SIPA1: variants seen among roughly 807,000 people sequenced by gnomAD.
SIPA1 encodes signal-induced proliferation-associated protein 1.
Under a neutral mutation model 88.1 loss-of-function variants are expected in SIPA1, and 51 were observed. That is an observed-to-expected ratio of 0.58 (90% CI 0.46 to 0.73). SIPA1 has a LOEUF of 0.73. SIPA1 is among the 30% of genes least tolerant of loss of function. The pLI is 0.00. For missense variants in SIPA1, 1,348 were observed against 1,467.6 expected, an observed-to-expected ratio of 0.92 and a Z score of 1.33; for synonymous variants, 681 against 664.8, an observed-to-expected ratio of 1.02 and a Z score of -0.37.
Position 65,641,617 on chromosome 11 carries a change from C to T in SIPA1, c.679+17C>T, listed in dbSNP as rs1856006088. On this transcript the variant is annotated intron_variant, in intron 2 of 15. Coordinates refer to ENST00000534313, the MANE Select transcript of SIPA1 (RefSeq NM_006747.4). ...ATGGCAAAGGTGAGGAAAGGCAGTT[C>T]CAGGGAGTGGAGGAGGGGGGCTGAA... The T allele has an allele frequency of 6.3e-7, 1 of 1,589,906 alleles. No homozygotes were observed.
rs962783138 is a variant in SIPA1 at position 65,642,037 on chromosome 11, C to T, written c.680-213C>T. 4.7e-5 allele frequency: 30 copies of T among 638,046 alleles called. No homozygotes were observed. The African/African-American group carries it at 5.1e-4, about 11-fold the overall frequency. The allele number at this position is 638,046 out of a possible 1,614,324, so 39.5% of individuals were successfully genotyped here. A position where few individuals can be genotyped will look rare whatever the true frequency, so the allele number is the denominator to read the frequency against. On this transcript the variant is annotated intron_variant, in intron 2 of 15. Coordinates refer to ENST00000534313, the MANE Select transcript of SIPA1 (RefSeq NM_006747.4). The surrounding 1 kb of genome is among the most constrained non-coding windows in gnomAD (Gnocchi z 6.5). ...GCAGGATTTAGGCCTGGGAGCTGGC[C>T]GCGTGGGTCTAGGTCTGGGTCTGGG...
In SIPA1 at chr11:65,640,918, G is replaced by C. The variant is rs774708167; in HGVS notation, c.-4G>C. The stretch of plus-strand genomic sequence containing the variant: ...CAGCCCCCGGAGAGTCAGGCCCACA[G>C]AGCATGCCCATGTGGGCCGGCGGTG... On this transcript the variant is annotated 5_prime_UTR_variant, in exon 2 of 16. Coordinates refer to ENST00000534313, the MANE Select transcript of SIPA1 (RefSeq NM_006747.4). 2.6e-5 allele frequency: 39 copies of C among 1,504,726 alleles called. No individual in the cohort carries two copies. In the East Asian group the frequency reaches 7.6e-4, roughly 29 times the overall value. 93.2% of individuals were successfully genotyped at this position (1,504,726 alleles called of 1,614,324 possible).
chr11:65,641,667 G>A, intron 2 of SIPA1, 67 bp downstream of exon 2: 2 of 1,364,474 alleles, frequency 1.5e-6, no homozygotes, highest in Non-Finnish European at 2.0e-6. Context: ...CACCTGCAGT[G>A]CACACAGTAG....
intron 14 of SIPA1, 56 bp downstream of exon 14, chr11:65,650,248 T>C: frequency 2.5e-6 from 4 of 1,585,538 alleles, no homozygotes; most frequent in Non-Finnish European, 8.7e-7. Flanking sequence ...CCCCCCTTCG[T>C]GCCTGTCTGC....
At position 65,645,034 on chromosome 11, in the gene SIPA1, A is replaced by C. The variant is rs143032413; in HGVS notation, c.1064A>C (p.Glu355Ala). 3.1e-6 allele frequency: 5 copies of C among 1,613,876 alleles called. No individual in the cohort carries two copies. The highest frequency in any genetic ancestry group is 2.7e-5 in the African/African-American group (2 of 74,900). ...GAGGAGGAGATGTACAACAACCAGGAGGCGGGACCGGCCTTCATGCAGTTT... is the reference window on the plus strand; with the variant it reads ...GAGGAGGAGATGTACAACAACCAGGCGGCGGGACCGGCCTTCATGCAGTTT... ...GSEEEMYNNQEAGPAFMQFLT... is the reference protein window; with the variant it reads ...GSEEEMYNNQAAGPAFMQFLT... The change falls in exon 5 of 16, where the codon GAG becomes GCG. Residue 355 changes from glutamate (E) to alanine (A), a missense_variant. This residue lies in a region of SIPA1 where 641 missense variants were observed against 797.7 expected (regional missense o/e 0.80). Transcript: ENST00000534313.
chr11:65,647,173 G>C, intron 8 of SIPA1, 108 bp downstream of exon 8: 5 of 1,417,924 alleles, frequency 3.5e-6, no homozygotes, highest in Non-Finnish European at 3.7e-6. Flanking sequence ...AGGGAAAGTC[G>C]AGGAGGGCAG....
intron 4 of SIPA1, among the ~76,000 whole-genome samples, chr11:65,643,319 A>G (rs1643989404): frequency 6.6e-6 from 1 of 152,230 alleles, no homozygotes; most frequent in African/African-American, 2.4e-5. Context: ...TTTCCCCCAC[A>G]GCCCCTGCTG....
At chr11:65,649,006 C>G (rs184993380) in intron 9 of SIPA1, among the ~76,000 whole-genome samples, 1 of 152,166 alleles carries the variant, frequency 6.6e-6, no homozygotes, top group Non-Finnish European at 1.5e-5. Context: ...CTATGAGGTT[C>G]GTACTATTAT....
rs1041488293 is a variant in SIPA1, at chr11:65,650,281, C to G, written c.2903+89C>G. 7 of 1,546,538 alleles carry G rather than the reference C, an allele frequency of 4.5e-6. No homozygotes were observed. The African/African-American group carries it at 9.5e-5, about 21-fold the overall frequency. ...TGCTGGGGTGGAGCTCTGTCCTGGGCTCTGCTGCCACATATGCCTAGAAGA... is the reference window on the plus strand; with the variant it reads ...TGCTGGGGTGGAGCTCTGTCCTGGGGTCTGCTGCCACATATGCCTAGAAGA... On this transcript the variant is annotated intron_variant, in intron 14 of 15. Transcript: ENST00000534313.
intron 9 of SIPA1, among the ~76,000 whole-genome samples, chr11:65,649,040 T>A (rs1856196559): frequency 6.6e-6 from 1 of 152,174 alleles, no homozygotes; most frequent in African/African-American, 2.4e-5. Context: ...ATGGAGAAAT[T>A]GATGTTCAGA....
chr11:65,647,582 G>A lies in SIPA1; in HGVS notation c.2230G>A (p.Ala744Thr), dbSNP rs754999721. Residue 744 changes from alanine (A) to threonine (T), a missense_variant, in exon 9 of 16, where the codon GCT (alanine) becomes ACT (threonine). Transcript: ENST00000534313. The part of the protein sequence containing the change: ...QTLPSLRPEA[A>T]AQLLRSAPKV... ...TCTGCCCAGCCTCCGGCCCGAGGCCGCTGCCCAGCTCCTGCGCTCGGCGCC... is the reference window on the plus strand; with the variant it reads ...TCTGCCCAGCCTCCGGCCCGAGGCCACTGCCCAGCTCCTGCGCTCGGCGCC... 1.5e-6 allele frequency: 2 copies of A among 1,362,320 alleles called. No individual in the cohort carries two copies. The highest frequency in any genetic ancestry group is 9.4e-7 in the Non-Finnish European group (1 of 1,060,072). The allele number at this position is 1,362,320 out of a possible 1,614,324, so 84.4% of individuals were successfully genotyped here.
At position 65,646,021 on chromosome 11, in the gene SIPA1, T is replaced by C. The variant is rs1382304815; in HGVS notation, c.1263+64T>C. Reference sequence around the variant, plus strand: ...ACCATGGAGGGCCCTGCATGGCCCATGACGTTTGAGCTTTGGCCGGAGCTC... The same window carrying C: ...ACCATGGAGGGCCCTGCATGGCCCACGACGTTTGAGCTTTGGCCGGAGCTC... On this transcript the variant is annotated intron_variant, in intron 6 of 15. Coordinates refer to ENST00000534313, the MANE Select transcript of SIPA1 (RefSeq NM_006747.4). The surrounding 1 kb of genome is among the most constrained non-coding windows in gnomAD (Gnocchi z 7.5). The C allele has an allele frequency of 1.5e-6, 2 of 1,370,496 alleles. No individual in the cohort carries two copies. The highest frequency in any genetic ancestry group is 2.0e-6 in the Non-Finnish European group (2 of 978,966). The allele number at this position is 1,370,496 out of a possible 1,614,324, so 84.9% of individuals were successfully genotyped here. A position where few individuals can be genotyped will look rare whatever the true frequency, so the allele number is the denominator to read the frequency against.
At position 65,642,779 on chromosome 11, in the gene SIPA1, G is replaced by T; in HGVS notation, c.984+140G>T. On this transcript the variant is annotated intron_variant, in intron 4 of 15. Transcript: ENST00000534313. The surrounding 1 kb of genome is among the most constrained non-coding windows in gnomAD (Gnocchi z 6.5). ...AGAAGAGCTGGCTTTTCAGAGACAGGGCATCAGAGTTCATCTGGAGCCTTG... is the reference window on the plus strand; with the variant it reads ...AGAAGAGCTGGCTTTTCAGAGACAGTGCATCAGAGTTCATCTGGAGCCTTG... The T allele has an allele frequency of 2.7e-6, 2 of 753,892 alleles. No individual in the cohort carries two copies. The highest frequency in any genetic ancestry group is 2.1e-5 in the South Asian group (1 of 48,330). 46.7% of individuals were successfully genotyped at this position (753,892 alleles called of 1,614,324 possible).
Position 65,650,711 on chromosome 11 carries a change from C to T in SIPA1, c.3125C>T (p.Ala1042Val). The T allele has an allele frequency of 3.8e-6, 6 of 1,572,622 alleles. No homozygotes were observed. Among genetic ancestry groups the T allele is most frequent in the Non-Finnish European group, 5.2e-6 (6 of 1,159,158 alleles). ...CTGGGCTCACCCACCGCCGACCTGG[C>T]CTGAGCCGTCTGGAACCACCTGGGC... ...KQLGSPTADL[A>V] The change falls in exon 16 of 16, where the codon GCC (alanine) becomes GTC (valine). Residue 1042 changes from alanine to valine, a missense_variant. Physicochemically the swap from Ala to Val is moderately conservative, Grantham distance 64. This residue lies in a region of SIPA1 where 615 missense variants were observed against 559.8 expected (regional missense o/e 1.10). Coordinates refer to ENST00000534313, the MANE Select transcript of SIPA1 (RefSeq NM_006747.4).
In SIPA1 at chr11:65,642,688, G is replaced by T; in HGVS notation, c.984+49G>T. 6.9e-7 allele frequency: 1 copy of T among 1,453,512 alleles called. No homozygotes were observed. The highest frequency in any genetic ancestry group is 1.4e-5 in the South Asian group (1 of 73,870). 90.0% of individuals were successfully genotyped at this position (1,453,512 alleles called of 1,614,324 possible). A position where few individuals can be genotyped will look rare whatever the true frequency, so the allele number is the denominator to read the frequency against. ...CCAGCCATACAGCTGGCCCCAGTCTGAACCCAGCCTGCCCAGCTCCCAAAC... is the reference window on the plus strand; with the variant it reads ...CCAGCCATACAGCTGGCCCCAGTCTTAACCCAGCCTGCCCAGCTCCCAAAC... On this transcript the variant is annotated intron_variant, in intron 4 of 15. Transcript: ENST00000534313. The surrounding 1 kb of genome is among the most constrained non-coding windows in gnomAD (Gnocchi z 6.5).
In SIPA1 at chr11:65,642,901, C is replaced by CTTTATTTATTTATTTATTTATTTA. The variant is rs145227969; in HGVS notation, c.984+270_984+293dup. 4.2e-4 allele frequency among the ~76,000 whole-genome samples: 61 copies of CTTTATTTATTTATTTATTTATTTA among 146,962 alleles called. No individual in the cohort carries two copies. Among genetic ancestry groups the CTTTATTTATTTATTTATTTATTTA allele is most frequent in the African/African-American group, 1.4e-3 (57 of 39,412 alleles). On this transcript the variant is annotated intron_variant, in intron 4 of 15. Transcript: ENST00000534313. The surrounding 1 kb of genome is among the most constrained non-coding windows in gnomAD (Gnocchi z 6.5). Reference sequence around the variant, plus strand: ...CAGACCATCTGAATCAGAGTTTGCACTTTATTTATTTATTTATTTATTTAT... The same window carrying CTTTATTTATTTATTTATTTATTTA: ...CAGACCATCTGAATCAGAGTTTGCACTTTATTTATTTATTTATTTATTTATTTATTTATTTATTTATTTATTTAT...
Position 65,646,584 on chromosome 11 carries a change from C to T in SIPA1, c.1550C>T (p.Ala517Val). ...LLAKALNGEQ[A>V]AGHARQFHAM... is the part of the protein sequence containing the mutation. The stretch of plus-strand genomic sequence containing the variant: ...GCCAAAGCGCTGAATGGTGAGCAGG[C>T]GGCCGGCCACGCGCGCCAGTTCCAC... Residue 517 changes from alanine to valine, a missense_variant, in exon 8 of 16, where the codon GCG (alanine) becomes GTG (valine). By Grantham distance (64) the Ala-to-Val change is moderately conservative (BLOSUM62 0). Transcript: ENST00000534313. This position sits in a 1 kb window ranked among gnomAD's most constrained non-coding sequence, Gnocchi z 7.5. The T allele has an allele frequency of 6.5e-7, 1 of 1,546,094 alleles. No homozygotes were observed. Among genetic ancestry groups the T allele is most frequent in the Non-Finnish European group, 8.7e-7 (1 of 1,151,258 alleles).
chr11:65,648,418 G>A (rs750040867), intron 9 of SIPA1, among the ~76,000 whole-genome samples: 6 of 152,166 alleles, frequency 3.9e-5, no homozygotes, highest in South Asian at 2.1e-4. Context: ...CTACTCTGTC[G>A]TAGGTAAATG....
chr11:65,644,513 G>C (rs1011483447), intron 4 of SIPA1, among the ~76,000 whole-genome samples: 6 of 151,900 alleles, frequency 3.9e-5, no homozygotes, highest in African/African-American at 1.5e-4. Flanking sequence ...GAGGAGTTCA[G>C]AGCACCTTGA....
Sources: gnomAD v4.1 joint callset for allele counts (sites outside exome capture counted in the v4.1 genomes callset) on GRCh38, gnomAD v4.1.1 for gene constraint, gnomAD v4.1.1 regional missense constraint, Gnocchi (gnomAD v3.1) non-coding constraint, MANE v1.5 for transcripts, NCBI Gene and HGNC (gene_info 2026-07-23, HGNC 2026-07-21) for gene names.